ACTR1B: variants seen among roughly 807,000 people sequenced by gnomAD.
The protein encoded by ACTR1B is beta-centractin.
In ACTR1B, 34 loss-of-function variants were observed where a neutral mutation model predicts 49.4. The ratio of observed to expected loss-of-function variants is 0.69; its 90% CI spans 0.52 to 0.92. ACTR1B has a LOEUF of 0.92. ACTR1B is among the 40% of genes least tolerant of loss of function. The pLI, the probability that ACTR1B is intolerant of heterozygous loss-of-function variation, is 0.00. For missense variants in ACTR1B, 471 were observed against 522.4 expected (o/e 0.90, Z 0.96); for synonymous variants, 207 against 207.8 (o/e 1.00, Z 0.03).
intron 2 of ACTR1B, among the ~76,000 whole-genome samples, chr2:97,661,112 G>A (rs1013753241): frequency 5.9e-5 from 9 of 152,258 alleles, no homozygotes; most frequent in Admixed American, 3.3e-4. Flanking sequence ...CAGAGATTCA[G>A]TTCTTGGAAA....
In ACTR1B at chr2:97,656,861, G is replaced by A; in HGVS notation, c.1128C>T (p.Phe376=). 1 of 1,579,174 alleles carries A rather than the reference G, an allele frequency of 6.3e-7. No individual in the cohort carries two copies. The highest frequency in any genetic ancestry group is 8.6e-7 in the Non-Finnish European group (1 of 1,161,676). Reference sequence around the variant, plus strand: ...CATGCCCCGCCCTCCTTGGGCACTAGAAAGTTTTGCGATGAATAGCACGGG... The same window carrying A: ...CATGCCCCGCCCTCCTTGGGCACTAAAAAGTTTTGCGATGAATAGCACGGG... The part of the protein sequence containing the change: ...DGSRAIHRKT[F] The change falls in exon 11 of 11, where the codon TTC becomes TTT. Residue 376 remains phenylalanine (F), a synonymous_variant. Coordinates refer to ENST00000289228, the MANE Select transcript of ACTR1B (RefSeq NM_005735.4).
At chr2:97,663,814 C>A (rs1365846470) in intron 1 of ACTR1B, 29 bp downstream of exon 1, 2 of 1,361,216 alleles carry the variant, frequency 1.5e-6, no homozygotes, top group Non-Finnish European at 9.6e-7. Context: ...GGCGGGGCGC[C>A]CGCCCTCCCC....
chr2:97,657,660 C>T, intron 8 of ACTR1B, 151 bp from the exon 9 acceptor site: 3 of 905,718 alleles, frequency 3.3e-6, no homozygotes, highest in Non-Finnish European at 5.2e-6. Context: ...ATGATCCAGC[C>T]CCATGGCTGC....
At position 97,657,133 on chromosome 2, in the gene ACTR1B, C is replaced by T; in HGVS notation, c.1028+19G>A. The T allele has an allele frequency of 1.2e-6, 2 of 1,611,576 alleles. No homozygotes were observed. Among genetic ancestry groups the T allele is most frequent in the Non-Finnish European group, 1.7e-6 (2 of 1,178,504 alleles). Reference sequence around the variant, plus strand: ...TAAAGTGGTCTCCTCCCAGAGCCCTCCCTTGAGCCCCGCCTCACCCAATCC... The same window carrying T: ...TAAAGTGGTCTCCTCCCAGAGCCCTTCCTTGAGCCCCGCCTCACCCAATCC... On this transcript the variant is annotated intron_variant, in intron 10 of 10. Coordinates refer to ENST00000289228, the MANE Select transcript of ACTR1B (RefSeq NM_005735.4).
intron 1 of ACTR1B, among the ~76,000 whole-genome samples, chr2:97,662,663 G>T (rs1273114426): frequency 6.6e-6 from 1 of 152,116 alleles, no homozygotes; most frequent in Non-Finnish European, 1.5e-5. Context: ...TCTCAACTCA[G>T]TCCCACCACT....
rs768870450 is a variant in ACTR1B, at chr2:97,659,240, C to G, written c.315+112G>C. The G allele has an allele frequency of 1.3e-6, 2 of 1,531,568 alleles. No homozygotes were observed. The highest frequency in any genetic ancestry group is 2.3e-5 in the East Asian group (1 of 44,216). 94.9% of individuals were successfully genotyped at this position (1,531,568 alleles called of 1,614,324 possible). On this transcript the variant is annotated intron_variant, in intron 4 of 10. Coordinates refer to ENST00000289228, the MANE Select transcript of ACTR1B (RefSeq NM_005735.4). The surrounding 1 kb of genome is among the most constrained non-coding windows in gnomAD (Gnocchi z 4.0). ...CACCCAGACACACACGGAAAGGCAG[C>G]AGGCCCTCTAGAAATGTAGAAGGGA... is the stretch of plus-strand genomic sequence containing the variant.
Position 97,663,895 on chromosome 2 carries a change from G to A in ACTR1B, c.-5C>T, listed in dbSNP as rs372922153. 82 of 1,400,066 alleles carry A rather than the reference G, an allele frequency of 5.9e-5. 1 individual carries two copies. The Middle Eastern group carries it at 7.5e-4, about 13-fold the overall frequency. The allele number at this position is 1,400,066 out of a possible 1,614,324, so 86.7% of individuals were successfully genotyped here. On this transcript the variant is annotated 5_prime_UTR_variant, in exon 1 of 11. Transcript: ENST00000289228. ...GATGATGTCGTAGGACTCCATGGCCGGGCCGCGCCGGCCCTGCCCAGCAGG... is the reference window on the plus strand; with the variant it reads ...GATGATGTCGTAGGACTCCATGGCCAGGCCGCGCCGGCCCTGCCCAGCAGG...
At position 97,659,101 on chromosome 2, in the gene ACTR1B, C is replaced by G. The variant is rs1181167771; in HGVS notation, c.316-98G>C. On this transcript the variant is annotated intron_variant, in intron 4 of 10. Coordinates refer to ENST00000289228, the MANE Select transcript of ACTR1B (RefSeq NM_005735.4). The surrounding 1 kb of genome is among the most constrained non-coding windows in gnomAD (Gnocchi z 4.0). ...ACCACACCCGCTGGCGCACAGGCAG[C>G]TCAGCCTCCTACCCCTCCTGAGGGC... 4 of 1,571,102 alleles carry G rather than the reference C, an allele frequency of 2.5e-6. No homozygotes were observed. The Admixed American group carries it at 6.8e-5, about 27-fold the overall frequency.
In ACTR1B at chr2:97,658,190, G is replaced by T. The variant is rs370608191; in HGVS notation, c.750+34C>A. 1 of 1,613,214 alleles carries T rather than the reference G, an allele frequency of 6.2e-7. No homozygotes were observed. Among genetic ancestry groups the T allele is most frequent in the Non-Finnish European group, 8.5e-7 (1 of 1,179,844 alleles). ...TACCCCTTCCCCCAGGCTGGGCATC[G>T]GCTGCCACTCCAGTGCCAGGCCCGG... is the stretch of plus-strand genomic sequence containing the variant. On this transcript the variant is annotated intron_variant, in intron 7 of 10. Transcript: ENST00000289228. This position sits in a 1 kb window ranked among gnomAD's most constrained non-coding sequence, Gnocchi z 5.9.
intron 8 of ACTR1B, 92 bp from the exon 9 acceptor site, chr2:97,657,601 C>G: frequency 7.7e-7 from 1 of 1,297,556 alleles, no homozygotes; most frequent in Non-Finnish European, 1.1e-6. Context: ...CCAGCTACTG[C>G]TGGTCCTCTA....
chr2:97,660,109 G>A (rs1257550775), intron 3 of ACTR1B, among the ~76,000 whole-genome samples: 3 of 151,520 alleles, frequency 2.0e-5, no homozygotes, highest in Non-Finnish European at 2.9e-5. Context: ...CATGCCCCAC[G>A]CCCCGGCACC....
rs752394090 is a variant in ACTR1B at position 97,658,935 on chromosome 2, G to A, written c.384C>T (p.Phe128=). 5.9e-5 allele frequency: 96 copies of A among 1,614,034 alleles called. No individual in the cohort carries two copies. The highest frequency in any genetic ancestry group is 1.2e-4 in the Admixed American group (7 of 60,010). Residue 128 remains phenylalanine, a synonymous_variant, in exon 5 of 11, where the codon TTC becomes TTT. Coordinates refer to ENST00000289228, the MANE Select transcript of ACTR1B (RefSeq NM_005735.4). The surrounding 1 kb of genome is among the most constrained non-coding windows in gnomAD (Gnocchi z 5.9). ...SKNREKAAEV[F]FETFNVPALF... ...GGGCCGGCACGTTGAAGGTCTCAAA[G>A]AACACCTCTGCCGCCTTCTCCCGGT...
chr2:97,656,959 C>G lies in ACTR1B; in HGVS notation c.1030G>C (p.Gly344Arg). Residue 344 changes from glycine to arginine, a missense_variant and splice_region_variant, in exon 11 of 11, where the codon GGC (glycine) becomes CGC (arginine). Coordinates refer to ENST00000289228, the MANE Select transcript of ACTR1B (RefSeq NM_005735.4). ...QERLYSTWIG[G>R]SILASLDTFK... ...GTGTCCAGCGAGGCCAGGATGGAGC[C>G]GCTGTGGGGATGGAGGGATAGTATT... is the stretch of plus-strand genomic sequence containing the variant. The G allele has an allele frequency of 6.3e-7, 1 of 1,592,154 alleles. No individual in the cohort carries two copies. Among genetic ancestry groups the G allele is most frequent in the Non-Finnish European group, 8.6e-7 (1 of 1,168,804 alleles).
chr2:97,656,594 A>AG lies in ACTR1B; in HGVS notation c.*263dup. 1 of 440,142 alleles carries AG rather than the reference A, an allele frequency of 2.3e-6. No homozygotes were observed. Among genetic ancestry groups the AG allele is most frequent in the Non-Finnish European group, 4.2e-6 (1 of 240,960 alleles). The allele number at this position is 440,142 out of a possible 1,614,324, so 27.3% of individuals were successfully genotyped here. A position where few individuals can be genotyped will look rare whatever the true frequency, so the allele number is the denominator to read the frequency against. Reference sequence around the variant, plus strand: ...AACCACAGGCCTAGCTGGCCCTGCCAGGGGGATACCCACAACAGCCTGACA... The same window carrying AG: ...AACCACAGGCCTAGCTGGCCCTGCCAGGGGGGATACCCACAACAGCCTGACA... On this transcript the variant is annotated 3_prime_UTR_variant, in exon 11 of 11. Coordinates refer to ENST00000289228, the MANE Select transcript of ACTR1B (RefSeq NM_005735.4).
At position 97,656,934 on chromosome 2, in the gene ACTR1B, G is replaced by C. The variant is rs1297209164; in HGVS notation, c.1055C>G (p.Thr352Ser). The C allele has an allele frequency of 2.4e-5, 38 of 1,595,232 alleles. No homozygotes were observed. The highest frequency in any genetic ancestry group is 2.9e-5 in the Non-Finnish European group (34 of 1,170,786). Reference protein sequence around the residue: ...IGGSILASLDTFKKMWVSKKE... With the variant: ...IGGSILASLDSFKKMWVSKKE... ...TTTGGACACCCACATCTTCTTAAAA[G>C]TGTCCAGCGAGGCCAGGATGGAGCC... The change falls in exon 11 of 11, where the codon ACT becomes AGT. Residue 352 changes from threonine (T) to serine (S), a missense_variant. Coordinates refer to ENST00000289228, the MANE Select transcript of ACTR1B (RefSeq NM_005735.4).
chr2:97,661,204 G>A lies in ACTR1B; in HGVS notation c.114-558C>T, dbSNP rs562558602. Among the ~76,000 whole-genome samples the A allele has an allele frequency of 5.3e-5, 8 of 152,352 alleles. No homozygotes were observed. The East Asian group carries it at 1.4e-3, about 26-fold the overall frequency. On this transcript the variant is annotated intron_variant, in intron 2 of 10. Coordinates refer to ENST00000289228, the MANE Select transcript of ACTR1B (RefSeq NM_005735.4). The stretch of plus-strand genomic sequence containing the variant: ...CAGTCAGAAAGGAATGCTGAAGCTC[G>A]ACAGGGCGCACCATGCTAGCTCTGT...
rs1674856028 is a variant in ACTR1B at position 97,656,882 on chromosome 2, ACG to A, written c.1105_1106del (p.Arg369CysfsTer28). On this transcript the variant is annotated frameshift_variant, in exon 11 of 11. Transcript: ENST00000289228. LOFTEE classifies it high-confidence loss of function. The stretch of plus-strand genomic sequence containing the variant: ...ACTAGAAAGTTTTGCGATGAATAGC[ACG>A]GGAGCCATCCTCTTCATACTCCTTT... ...SKKEYEEDGS[R>X]AIHRKTF The A allele has an allele frequency of 6.3e-7, 1 of 1,589,104 alleles. No individual in the cohort carries two copies. The highest frequency in any genetic ancestry group is 8.6e-7 in the Non-Finnish European group (1 of 1,167,606).
rs763891218 is a variant in ACTR1B, at chr2:97,658,381, CT to C, written c.657+45del. 1.4e-5 allele frequency: 23 copies of C among 1,613,570 alleles called. No individual in the cohort carries two copies. In the South Asian group the frequency reaches 2.4e-4, roughly 17 times the overall value. ...GGGACACCTGTGCCTTGGTGCCACC[CT>C]TTCCTCACCCCAGGTCGTGTCCACA... On this transcript the variant is annotated intron_variant, in intron 6 of 10. Transcript: ENST00000289228. This position sits in a 1 kb window ranked among gnomAD's most constrained non-coding sequence, Gnocchi z 5.9.
intron 1 of ACTR1B, among the ~76,000 whole-genome samples, 183 bp downstream of exon 1, chr2:97,663,660 C>T (rs1289055835): frequency 6.6e-6 from 1 of 151,850 alleles, no homozygotes; most frequent in Non-Finnish European, 1.5e-5. Context: ...GGGGCTCGCC[C>T]CATGGCCGGC....
Sources: gnomAD v4.1 joint callset for allele counts (sites outside exome capture counted in the v4.1 genomes callset) on GRCh38, gnomAD v4.1.1 for gene constraint, Gnocchi (gnomAD v3.1) non-coding constraint, MANE v1.5 for transcripts, NCBI Gene and HGNC (gene_info 2026-07-23, HGNC 2026-07-21) for gene names.